IREB2: variants seen among roughly 807,000 people sequenced by gnomAD.
The protein encoded by IREB2 is iron responsive element binding protein 2, also known as iron-responsive element-binding protein 2.
In IREB2, 39 loss-of-function variants were observed where a neutral mutation model predicts 118.8. The ratio of observed to expected loss-of-function variants is 0.33; its 90% CI spans 0.25 to 0.43. The LOEUF is 0.43. IREB2 is among the 20% of genes least tolerant of loss of function. The probability of loss-of-function intolerance (pLI) is 1.00; values close to 1 mark genes in which losing one functional copy is unlikely to be tolerated. For synonymous variants in IREB2, 372 were observed against 392.2 expected, an observed-to-expected ratio of 0.95 and a Z score of 0.61; for missense variants, 900 against 1,147.3, an observed-to-expected ratio of 0.78 and a Z score of 3.11.
At chr15:78,479,388 G>T (rs1331241612) in intron 10 of IREB2, among the ~76,000 whole-genome samples, 4 of 148,654 alleles carry the variant, frequency 2.7e-5, no homozygotes, top group African/African-American at 9.8e-5. Flanking sequence ...AAGTCTAGTT[G>T]TGGTTTTTGG....
intron 2 of IREB2, among the ~76,000 whole-genome samples, chr15:78,458,695 TTTAC>T (rs1366008051): frequency 3.3e-5 from 5 of 152,190 alleles, no homozygotes; most frequent in African/African-American, 1.2e-4. Context: ...TATTTATTTG[TTTAC>T]TTGTTTATGG....
At chr15:78,447,260 T>G (rs981481696) in intron 2 of IREB2, among the ~76,000 whole-genome samples, 1 of 151,622 alleles carries the variant, frequency 6.6e-6, no homozygotes, top group Non-Finnish European at 1.5e-5. Context: ...CACTGCATCT[T>G]CAACCTCCTG....
At chr15:78,441,449 T>A (rs2141442079) in intron 2 of IREB2, among the ~76,000 whole-genome samples, 1 of 152,338 alleles carries the variant, frequency 6.6e-6, no homozygotes, top group Non-Finnish European at 1.5e-5. Flanking sequence ...TATTTCCCAT[T>A]TACTTCTCCA....
At chr15:78,450,544 A>G (rs1422649336) in intron 2 of IREB2, among the ~76,000 whole-genome samples, 1 of 152,078 alleles carries the variant, frequency 6.6e-6, no homozygotes, top group Non-Finnish European at 1.5e-5. Context: ...GATGATCAGG[A>G]ACTAGTGGTG....
intron 2 of IREB2, among the ~76,000 whole-genome samples, chr15:78,446,024 T>C (rs2050922712): frequency 6.6e-6 from 1 of 152,182 alleles, no homozygotes; most frequent in South Asian, 2.1e-4. Context: ...CTTCAAGTGA[T>C]CCTTCTGCCT....
chr15:78,494,126 T>G lies in IREB2; in HGVS notation c.2473-16T>G, dbSNP rs1262005476. 5 of 1,612,724 alleles carry G rather than the reference T, an allele frequency of 3.1e-6. No homozygotes were observed. Among genetic ancestry groups the G allele is most frequent in the Non-Finnish European group, 3.4e-6 (4 of 1,179,664 alleles). On this transcript the variant is annotated splice_polypyrimidine_tract_variant and intron_variant, in intron 19 of 21. Coordinates refer to ENST00000258886, the MANE Select transcript of IREB2 (RefSeq NM_004136.4). ...AAATTTGTATTAAAAAATTTTGTGT[T>G]TGTTTTAATCTACAGCTAGATGTAT... is the stretch of plus-strand genomic sequence containing the variant.
chr15:78,470,858 C>A, intron 6 of IREB2: 1 of 239,262 alleles, frequency 4.2e-6, no homozygotes, highest in South Asian at 1.3e-4. Context: ...GCACGCCTGG[C>A]TAATTTTTGT....
At chr15:78,482,263 T>TGTAA (rs543420429) in intron 10 of IREB2, among the ~76,000 whole-genome samples, 219 of 152,062 alleles carry the variant, frequency 1.4e-3, no homozygotes, top group African/African-American at 4.7e-3. Flanking sequence ...ATAAATACAG[T>TGTAA]GTAAGTAGTT....
In IREB2 at chr15:78,500,571, C is replaced by CT. The variant is rs2051926155; in HGVS notation, c.*2428_*2429insT. The CT allele has an allele frequency of 6.8e-6, 1 of 146,524 alleles. No individual in the cohort carries two copies. The highest frequency in any genetic ancestry group is 1.5e-5 in the Non-Finnish European group (1 of 67,304). 9.1% of individuals were successfully genotyped at this position (146,524 alleles called of 1,614,324 possible). On this transcript the variant is annotated 3_prime_UTR_variant, in exon 22 of 22. Transcript: ENST00000258886. ...AAAAAAAAAAAAGGAAGTGTAATGT[C>CT]AGACACACAAGAAAAGCAAATCAGT...
At chr15:78,451,956 C>T (rs945978989) in intron 2 of IREB2, among the ~76,000 whole-genome samples, 4 of 152,124 alleles carry the variant, frequency 2.6e-5, no homozygotes, top group Non-Finnish European at 4.4e-5. Flanking sequence ...AGCCACCACA[C>T]CTGGTGGATT....
chr15:78,446,891 C>T (rs1567162276), intron 2 of IREB2, among the ~76,000 whole-genome samples: 1 of 151,648 alleles, frequency 6.6e-6, no homozygotes, highest in African/African-American at 2.4e-5. Context: ...ACATGCTTAC[C>T]AGTGAATGAG....
rs528213818 is a variant in IREB2 at position 78,466,414 on chromosome 15, G to A, written c.554G>A (p.Arg185Gln). 25 of 1,614,146 alleles carry A rather than the reference G, an allele frequency of 1.5e-5. No homozygotes were observed. In the East Asian group the frequency reaches 3.3e-4, roughly 22 times the overall value. The change falls in exon 5 of 22, where the codon CGA becomes CAA. Residue 185 changes from arginine (R) to glutamine (Q), a missense_variant. By Grantham distance (43) the Arg-to-Gln change is conservative. Coordinates refer to ENST00000258886, the MANE Select transcript of IREB2 (RefSeq NM_004136.4). Reference protein sequence around the residue: ...RGSCDSGELGRNSGTFSSQIE... With the variant: ...RGSCDSGELGQNSGTFSSQIE... ...TCTTGTGATTCTGGAGAACTAGGCC[G>A]AAACTCAGGAACATTTTCTTCGCAG...
chr15:78,459,264 T>TA (rs1441618645), intron 2 of IREB2, among the ~76,000 whole-genome samples: 6 of 152,224 alleles, frequency 3.9e-5, no homozygotes, highest in Non-Finnish European at 8.8e-5. Context: ...AAAGGACTTT[T>TA]AAAAAATCAC....
At chr15:78,444,135 G>A (rs1309627377) in intron 2 of IREB2, among the ~76,000 whole-genome samples, 2 of 151,060 alleles carry the variant, frequency 1.3e-5, no homozygotes, top group Non-Finnish European at 3.0e-5. Flanking sequence ...ATAGCTCACT[G>A]GAGCCTTGAA....
intron 1 of IREB2, chr15:78,438,592 C>T (rs552877722): frequency 5.3e-6 from 3 of 561,390 alleles, no homozygotes; most frequent in Admixed American, 6.2e-5. Flanking sequence ...CACCCCACCG[C>T]TGGCCTTGAC....
chr15:78,452,724 TAGTG>T (rs2141460166), intron 2 of IREB2, among the ~76,000 whole-genome samples: 3 of 152,092 alleles, frequency 2.0e-5, no homozygotes, highest in African/African-American at 7.2e-5. Context: ...CTGGGCAACA[TAGTG>T]AGACCCCCAT....
chr15:78,488,558 A>G, intron 15 of IREB2, 89 bp from the exon 16 acceptor site: 3 of 1,298,700 alleles, frequency 2.3e-6, no homozygotes, highest in Non-Finnish European at 3.2e-6. Flanking sequence ...TGAATCATTT[A>G]CTTGATTTCC....
intron 7 of IREB2, among the ~76,000 whole-genome samples, chr15:78,472,272 T>C (rs2051392361): frequency 6.6e-6 from 1 of 152,254 alleles, no homozygotes; most frequent in Non-Finnish European, 1.5e-5. Context: ...TGCCATTTTA[T>C]ACAAGGCATG....
rs1482154384 is a variant in IREB2, at chr15:78,490,750, G to A, written c.2313G>A (p.Leu771=). ...GGAATAGTGCTGCCGCTAAGTATTT[G>A]ACAAACAGAGGGTATGTGTACATGG... is the stretch of plus-strand genomic sequence containing the variant. ...IARNSAAAKY[L]TNRGLTPREF... The change falls in exon 18 of 22, where the codon TTG becomes TTA. Residue 771 remains leucine, a synonymous_variant. Coordinates refer to ENST00000258886, the MANE Select transcript of IREB2 (RefSeq NM_004136.4). 6.2e-7 allele frequency: 1 copy of A among 1,614,030 alleles called. No homozygotes were observed. Among genetic ancestry groups the A allele is most frequent in the Non-Finnish European group, 8.5e-7 (1 of 1,179,968 alleles).
Sources: gnomAD v4.1 joint callset for allele counts (sites outside exome capture counted in the v4.1 genomes callset) on GRCh38, gnomAD v4.1.1 for gene constraint, MANE v1.5 for transcripts, NCBI Gene and HGNC (gene_info 2026-07-23, HGNC 2026-07-21) for gene names.